FER: variants seen among roughly 807,000 people sequenced by gnomAD.
FER encodes tyrosine-protein kinase Fer.
A neutral mutation model predicts 111.0 loss-of-function variants in FER; 63 were observed. The observed-to-expected ratio is 0.57, with a 90% CI of 0.46 to 0.70. FER has a LOEUF of 0.70. FER is among the 30% of genes least tolerant of loss of function. The pLI is 0.00. For missense variants in FER, 914 were observed against 954.0 expected, an observed-to-expected ratio of 0.96 and a Z score of 0.55; for synonymous variants, 327 against 313.9, an observed-to-expected ratio of 1.04 and a Z score of -0.44.
intron 1 of FER, among the ~76,000 whole-genome samples, chr5:108,762,885 T>C (rs1470356942): frequency 6.6e-6 from 1 of 152,238 alleles, no homozygotes; most frequent in Non-Finnish European, 1.5e-5. Flanking sequence ...CTTTGGTAAA[T>C]GTCACTTTAT....
chr5:109,176,990 T>C (rs181659504), intron 17 of FER, among the ~76,000 whole-genome samples: 88 of 152,334 alleles, frequency 5.8e-4, no homozygotes, highest in African/African-American at 2.0e-3. Flanking sequence ...ATAATGTATG[T>C]ATCTAAATGT....
chr5:108,757,067 A>T (rs1751198508), intron 1 of FER, among the ~76,000 whole-genome samples: 1 of 152,192 alleles, frequency 6.6e-6, no homozygotes, highest in Non-Finnish European at 1.5e-5. Flanking sequence ...CCCAGTTATA[A>T]AATGATACTG....
At chr5:108,916,803 C>T (rs547302055) in intron 10 of FER, among the ~76,000 whole-genome samples, 1 of 152,052 alleles carries the variant, frequency 6.6e-6, no homozygotes, top group Non-Finnish European at 1.5e-5. Flanking sequence ...ATCATGAAAA[C>T]TCTTACTGAG....
At chr5:108,844,141 T>TGTGTGTGTGAACAC (rs1761626880) in intron 5 of FER, among the ~76,000 whole-genome samples, 2 of 104,122 alleles carry the variant, frequency 1.9e-5, no homozygotes, top group East Asian at 2.1e-4. Flanking sequence ...TGTGAACATA[T>TGTGTGTGTGAACAC]ATGTGTGTGT....
At position 108,881,505 on chromosome 5, in the gene FER, C is replaced by T. The variant is rs76166021; in HGVS notation, c.924-1891C>T. Among the ~76,000 whole-genome samples the T allele has an allele frequency of 7.9e-5, 12 of 152,178 alleles. 1 individual carries two copies. Among genetic ancestry groups the T allele is most frequent in the East Asian group, 5.8e-4 (3 of 5,174 alleles). ...CGTGGAAATTGTGGGAGTTACAATT[C>T]GAGATGAGATTTGGGTGAGGACACA... On this transcript the variant is annotated intron_variant, in intron 8 of 19. Transcript: ENST00000281092.
chr5:108,929,658 C>G (rs1215404029), intron 10 of FER, among the ~76,000 whole-genome samples: 1 of 151,732 alleles, frequency 6.6e-6, no homozygotes, highest in Non-Finnish European at 1.5e-5. Flanking sequence ...ATGAATAACT[C>G]TCTAGTGATA....
chr5:108,980,131 A>G (rs1467168334), intron 13 of FER, among the ~76,000 whole-genome samples: 2 of 152,178 alleles, frequency 1.3e-5, no homozygotes, highest in African/African-American at 4.8e-5. Flanking sequence ...AACAAAACAA[A>G]CAACATAAAA....
intron 17 of FER, among the ~76,000 whole-genome samples, chr5:109,135,601 A>G (rs1308725578): frequency 6.6e-6 from 1 of 152,178 alleles, no homozygotes; most frequent in Non-Finnish European, 1.5e-5. Context: ...CAAGGGAAAC[A>G]AGACTTTTGG....
rs564606448 is a variant in FER, at chr5:108,907,596, G to A, written c.1236+9748G>A. Among the ~76,000 whole-genome samples the A allele has an allele frequency of 2.6e-3, 400 of 152,040 alleles. 1 individual carries two copies. Among genetic ancestry groups the A allele is most frequent in the Non-Finnish European group, 4.7e-3 (316 of 67,952 alleles). On this transcript the variant is annotated intron_variant, in intron 10 of 19. Coordinates refer to ENST00000281092, the MANE Select transcript of FER (RefSeq NM_005246.4). ...GAGTGAGCCCCTGGGCCCGGCCACA[G>A]TTAACCAACTTCTGTAAGTATCTAG...
rs922019240 is a variant in FER at position 108,807,095 on chromosome 5, A to G, written c.207+8706A>G. On this transcript the variant is annotated intron_variant, in intron 3 of 19. Transcript: ENST00000281092. Reference sequence around the variant, plus strand: ...GGCAGATCTTTCCTGTGCTGTTCTCATGTTAGTGAATGAGTCTCATGAGAT... The same window carrying G: ...GGCAGATCTTTCCTGTGCTGTTCTCGTGTTAGTGAATGAGTCTCATGAGAT... 3.9e-5 allele frequency among the ~76,000 whole-genome samples: 6 copies of G among 152,214 alleles called. No individual in the cohort carries two copies. The East Asian group carries it at 1.2e-3, about 29-fold the overall frequency.
At chr5:108,992,068 G>C (rs1763258113) in intron 13 of FER, among the ~76,000 whole-genome samples, 1 of 151,746 alleles carries the variant, frequency 6.6e-6, no homozygotes, top group African/African-American at 2.4e-5. Flanking sequence ...GTTAGGGAGT[G>C]GTGATGACTC....
intron 2 of FER, among the ~76,000 whole-genome samples, chr5:108,769,948 T>C (rs1022359208): frequency 1.3e-5 from 2 of 152,062 alleles, no homozygotes; most frequent in Non-Finnish European, 2.9e-5. Context: ...ATGATGATGA[T>C]GATGATGATT....
rs577303115 is a variant in FER, at chr5:109,126,007, G to GT, written c.2048+25498dup. Among the ~76,000 whole-genome samples, 504 of 148,490 alleles carry GT rather than the reference G, an allele frequency of 3.4e-3. 5 individuals carry two copies. The highest frequency in any genetic ancestry group is 0.011 in the African/African-American group (447 of 40,530). On this transcript the variant is annotated intron_variant, in intron 17 of 19. Coordinates refer to ENST00000281092, the MANE Select transcript of FER (RefSeq NM_005246.4). ...TGCTCAGAACTTCATATCTATAGCT[G>GT]TTTTTTTTTTCCTTTTCTGATACAG...
chr5:109,011,842 T>C (rs1364288135), intron 13 of FER, among the ~76,000 whole-genome samples: 1 of 152,236 alleles, frequency 6.6e-6, no homozygotes, highest in African/African-American at 2.4e-5. Context: ...ACAATTTTCT[T>C]TGATTGTGGA....
intron 10 of FER, among the ~76,000 whole-genome samples, chr5:108,938,476 C>A (rs552881291): frequency 2.2e-4 from 34 of 152,026 alleles, no homozygotes; most frequent in South Asian, 4.1e-4. Context: ...ATGTGATACT[C>A]GGTAACAGTG....
chr5:108,954,763 T>C lies in FER; in HGVS notation c.1364T>C (p.Leu455Ser). ...SDMISISEKP[L>S]AEQDWYHGAI... Reference sequence around the variant, plus strand: ...ATGATCTCCATCAGTGAGAAGCCTTTGGCAGAACAGGACTGGTACCATGGT... The same window carrying C: ...ATGATCTCCATCAGTGAGAAGCCTTCGGCAGAACAGGACTGGTACCATGGT... The change falls in exon 12 of 20, where the codon TTG becomes TCG. Residue 455 changes from leucine (L) to serine (S), a missense_variant. This residue lies in a region of FER where 774 missense variants were observed against 782.6 expected (regional missense o/e 0.99). Coordinates refer to ENST00000281092, the MANE Select transcript of FER (RefSeq NM_005246.4). 6.2e-7 allele frequency: 1 copy of C among 1,608,702 alleles called. No homozygotes were observed.
At chr5:108,989,306 C>G (rs2149741979) in intron 13 of FER, among the ~76,000 whole-genome samples, 1 of 152,158 alleles carries the variant, frequency 6.6e-6, no homozygotes. Context: ...ATCTGTTGGT[C>G]TTTCAGGATT....
intron 14 of FER, among the ~76,000 whole-genome samples, chr5:109,042,459 T>A (rs1581765997): frequency 6.6e-6 from 1 of 152,124 alleles, no homozygotes; most frequent in African/African-American, 2.4e-5. Context: ...CTCACCTCTT[T>A]GGATAGAGAA....
At chr5:108,837,521 A>G (rs1760794237) in intron 5 of FER, among the ~76,000 whole-genome samples, 1 of 152,174 alleles carries the variant, frequency 6.6e-6, no homozygotes, top group Non-Finnish European at 1.5e-5. Context: ...TACATTGCAA[A>G]TATCCATATC....
Sources: gnomAD v4.1 joint callset for allele counts (sites outside exome capture counted in the v4.1 genomes callset) on GRCh38, gnomAD v4.1.1 for gene constraint, gnomAD v4.1.1 regional missense constraint, MANE v1.5 for transcripts, NCBI Gene and HGNC (gene_info 2026-07-23, HGNC 2026-07-21) for gene names.